The following CA10 variants were observed in gnomAD, a reference collection of about 807,000 sequenced individuals.
The protein encoded by CA10 is carbonic anhydrase-related protein 10.
In CA10, 14 loss-of-function variants were observed where a neutral mutation model predicts 44.2. That is an observed-to-expected ratio of 0.32 (90% CI 0.21 to 0.50). The LOEUF is 0.50. Among genes scored for constraint, CA10 ranks in the 20% least tolerant of loss-of-function variants. The probability of loss-of-function intolerance (pLI) is 0.99; values close to 1 mark genes in which losing one functional copy is unlikely to be tolerated. For missense variants in CA10, 350 were observed against 409.7 expected, an observed-to-expected ratio of 0.85 and a Z score of 1.26; for synonymous variants, 159 against 141.6, an observed-to-expected ratio of 1.12 and a Z score of -0.87.
intron 3 of CA10, chr17:51,761,612 C>T (rs566220943): frequency 1.3e-5 from 2 of 152,318 alleles, no homozygotes; most frequent in South Asian, 2.1e-4. Context: ...CTAATCCTTG[C>T]TCCCATCTTG....
intron 3 of CA10, among the ~76,000 whole-genome samples, chr17:51,781,928 C>A (rs1486763589): frequency 6.6e-6 from 1 of 152,160 alleles, no homozygotes; most frequent in Non-Finnish European, 1.5e-5. Context: ...GATGAGGAAA[C>A]AGGGCTCAGA....
chr17:51,659,848 A>G (rs1204326056), intron 4 of CA10, among the ~76,000 whole-genome samples: 1 of 152,206 alleles, frequency 6.6e-6, no homozygotes, highest in Non-Finnish European at 1.5e-5. Flanking sequence ...ACTCAAGCAC[A>G]TGCTATTTTG....
chr17:51,650,657 G>C (rs1273392578), intron 5 of CA10, among the ~76,000 whole-genome samples: 1 of 152,188 alleles, frequency 6.6e-6, no homozygotes, highest in Non-Finnish European at 1.5e-5. Context: ...AAGATAGCTT[G>C]AAGCCTGCTC....
intron 2 of CA10, among the ~76,000 whole-genome samples, chr17:52,019,879 C>T (rs1441815865): frequency 6.6e-6 from 1 of 151,760 alleles, no homozygotes; most frequent in East Asian, 1.9e-4. Flanking sequence ...TATTTACTTA[C>T]AGTGTAATAT....
intron 2 of CA10, among the ~76,000 whole-genome samples, chr17:51,988,489 G>A (rs1984923871): frequency 6.6e-6 from 1 of 151,828 alleles, no homozygotes; most frequent in African/African-American, 2.4e-5. Flanking sequence ...TTTAAACAGT[G>A]GTTGTTTTGG....
intron 1 of CA10, among the ~76,000 whole-genome samples, chr17:52,132,129 C>T (rs183070211): frequency 1.6e-3 from 249 of 151,866 alleles, no homozygotes; most frequent in African/African-American, 5.8e-3. Context: ...TACATGTATA[C>T]ATAGGGCACA....
At chr17:52,049,882 C>A (rs2970021) in intron 2 of CA10, among the ~76,000 whole-genome samples, 151,026 of 152,202 alleles carry the variant, frequency 0.99, 74,942 homozygotes, top group East Asian at 1. Flanking sequence ...GTTTTACTGG[C>A]CCTTTTCTAT....
chr17:51,681,688 T>A (rs1314885272), intron 4 of CA10, among the ~76,000 whole-genome samples: 1 of 152,222 alleles, frequency 6.6e-6, no homozygotes, highest in African/African-American at 2.4e-5. Context: ...GCTGTTTATC[T>A]TTTTATACAA....
At chr17:51,926,738 G>A (rs535215299) in intron 3 of CA10, among the ~76,000 whole-genome samples, 1 of 152,084 alleles carries the variant, frequency 6.6e-6, no homozygotes, top group African/African-American at 2.4e-5. Context: ...GGACTCTATG[G>A]TTACAAGGGG....
intron 4 of CA10, among the ~76,000 whole-genome samples, chr17:51,716,244 A>G (rs1027996373): frequency 6.6e-6 from 1 of 152,136 alleles, no homozygotes; most frequent in Non-Finnish European, 1.5e-5. Flanking sequence ...GATTTGATCC[A>G]GCAAATGAGA....
Position 51,856,789 on chromosome 17 carries a change from T to G in CA10, c.279+74201A>C, listed in dbSNP as rs143147217. On this transcript the variant is annotated intron_variant, in intron 3 of 8. Coordinates refer to ENST00000451037, the MANE Select transcript of CA10 (RefSeq NM_020178.5). ...GAGGTCTGAGGAACCCCAAGTTGAATCAGGGGGCTTATGAAAGGCTCCAAA... is the reference window on the plus strand; with the variant it reads ...GAGGTCTGAGGAACCCCAAGTTGAAGCAGGGGGCTTATGAAAGGCTCCAAA... Among the ~76,000 whole-genome samples, 655 of 152,198 alleles carry G rather than the reference T, an allele frequency of 4.3e-3. 4 individuals carry two copies. Among genetic ancestry groups the G allele is most frequent in the African/African-American group, 0.014 (599 of 41,518 alleles).
intron 6 of CA10, among the ~76,000 whole-genome samples, chr17:51,645,549 T>C (rs886408547): frequency 1.3e-5 from 2 of 152,226 alleles, no homozygotes; most frequent in Non-Finnish European, 2.9e-5. Flanking sequence ...GGTTAGTATA[T>C]GTCCCTTTCA....
At chr17:52,108,156 A>G (rs1988700214) in intron 1 of CA10, among the ~76,000 whole-genome samples, 1 of 146,278 alleles carries the variant, frequency 6.8e-6, no homozygotes, top group Non-Finnish European at 1.5e-5. Flanking sequence ...TATTAGGTGT[A>G]TATATATATT....
chr17:51,637,404 C>G (rs929643833), intron 6 of CA10, among the ~76,000 whole-genome samples: 8 of 152,200 alleles, frequency 5.3e-5, no homozygotes, highest in African/African-American at 1.7e-4. Context: ...AGAGGTATCA[C>G]ATCCCCAGGC....
At chr17:51,773,464 C>G (rs1905691431) in intron 3 of CA10, among the ~76,000 whole-genome samples, 1 of 152,206 alleles carries the variant, frequency 6.6e-6, no homozygotes, top group South Asian at 2.1e-4. Context: ...TAGGAAGACA[C>G]CCTCAGAGCC....
chr17:52,000,364 T>C (rs1404112571), intron 2 of CA10, among the ~76,000 whole-genome samples: 1 of 152,064 alleles, frequency 6.6e-6, no homozygotes, highest in Non-Finnish European at 1.5e-5. Flanking sequence ...TTCAAGTGCT[T>C]TCACAGATAG....
At chr17:51,967,991 T>C (rs376829768) in intron 2 of CA10, among the ~76,000 whole-genome samples, 11 of 151,846 alleles carry the variant, frequency 7.2e-5, no homozygotes, top group African/African-American at 2.4e-4. Context: ...ATAAGTAATC[T>C]AATCACATGA....
At position 52,134,412 on chromosome 17, in the gene CA10, A is replaced by C. The variant is rs1469554000; in HGVS notation, c.61+23314T>G. On this transcript the variant is annotated intron_variant, in intron 1 of 8. Coordinates refer to ENST00000451037, the MANE Select transcript of CA10 (RefSeq NM_020178.5). ...GGTTCAAAGCCTAGCTCATCCACCC[A>C]CAAGCTTTCTGTCTTTAACTAAATT... 2.0e-5 allele frequency among the ~76,000 whole-genome samples: 3 copies of C among 152,134 alleles called. No homozygotes were observed. In the East Asian group the frequency reaches 5.8e-4, roughly 29 times the overall value.
At chr17:51,650,221 A>T (rs192421668) in intron 5 of CA10, among the ~76,000 whole-genome samples, 253 of 152,282 alleles carry the variant, frequency 1.7e-3, no homozygotes, top group African/African-American at 5.8e-3. Context: ...TCTTAAAAAC[A>T]CCTGTTTACT....
Sources: gnomAD v4.1 joint callset for allele counts (sites outside exome capture counted in the v4.1 genomes callset) on GRCh38, gnomAD v4.1.1 for gene constraint, MANE v1.5 for transcripts, NCBI Gene and HGNC (gene_info 2026-07-23, HGNC 2026-07-21) for gene names.